The following ADAMTS2 variants were observed in gnomAD, a reference collection of about 807,000 sequenced individuals.
ADAMTS2 encodes the protein ADAM metallopeptidase with thrombospondin type 1 motif 2.
A neutral mutation model predicts 123.0 loss-of-function variants in ADAMTS2; 50 were observed. The ratio of observed to expected loss-of-function variants is 0.41; its 90% CI spans 0.32 to 0.51. ADAMTS2 has a LOEUF of 0.51. ADAMTS2 is among the 20% of genes least tolerant of loss of function. The pLI is 0.35. For missense variants in ADAMTS2, 1,494 were observed against 1,705.2 expected, an observed-to-expected ratio of 0.88 and a Z score of 2.18; for synonymous variants, 678 against 695.4, an observed-to-expected ratio of 0.98 and a Z score of 0.39.
chr5:179,242,892 C>T lies in ADAMTS2; in HGVS notation c.688+30019G>A, dbSNP rs11738217. Reference sequence around the variant, plus strand: ...GAAAGGCCGGAGCACCTTCCTCCACCCAGCCCTAACTCAGGGCAGGAGCTC... The same window carrying T: ...GAAAGGCCGGAGCACCTTCCTCCACTCAGCCCTAACTCAGGGCAGGAGCTC... On this transcript the variant is annotated intron_variant, in intron 3 of 21. Coordinates refer to ENST00000251582, the MANE Select transcript of ADAMTS2 (RefSeq NM_014244.5). This position sits in a 1 kb window ranked among gnomAD's most constrained non-coding sequence, Gnocchi z 4.2. Among the ~76,000 whole-genome samples the T allele has an allele frequency of 0.37, 56,789 of 152,042 alleles. 11,078 individuals carry two copies. The highest frequency in any genetic ancestry group is 0.46 in the African/African-American group (19,146 of 41,440).
intron 2 of ADAMTS2, among the ~76,000 whole-genome samples, chr5:179,279,626 G>A (rs1240132743): frequency 6.6e-6 from 1 of 152,210 alleles, no homozygotes; most frequent in Admixed American, 6.5e-5. Flanking sequence ...CAGCTCCCCA[G>A]GGAGGTCTCT....
chr5:179,184,751 T>A (rs1410954754), intron 4 of ADAMTS2, among the ~76,000 whole-genome samples: 1 of 152,048 alleles, frequency 6.6e-6, no homozygotes, highest in South Asian at 2.1e-4. Flanking sequence ...CCCACTGGGC[T>A]GAGGCTGGCA....
At chr5:179,211,969 G>A (rs991524543) in intron 3 of ADAMTS2, among the ~76,000 whole-genome samples, 12 of 152,328 alleles carry the variant, frequency 7.9e-5, no homozygotes, top group African/African-American at 2.9e-4. Context: ...TACATGACTC[G>A]GACAAGCCAC....
intron 4 of ADAMTS2, among the ~76,000 whole-genome samples, chr5:179,196,692 C>A (rs1257674623): frequency 6.6e-6 from 1 of 152,222 alleles, no homozygotes; most frequent in Non-Finnish European, 1.5e-5. Flanking sequence ...ACTTTGGAGG[C>A]CTGGGGCCAT....
chr5:179,137,473 C>T (rs1156867579), intron 12 of ADAMTS2, among the ~76,000 whole-genome samples: 1 of 141,120 alleles, frequency 7.1e-6, no homozygotes, highest in African/African-American at 2.5e-5. Flanking sequence ...CAAGCCTCGT[C>T]CACCCACGGT....
chr5:179,121,560 G>A, intron 21 of ADAMTS2, 101 bp downstream of exon 21: 3 of 981,174 alleles, frequency 3.1e-6, no homozygotes, highest in Non-Finnish European at 4.5e-6. Flanking sequence ...AGAGTCAGGG[G>A]AGCTTTCCAT....
At chr5:179,140,796 G>GTTTTTTTTTTTTT (rs1763149728) in intron 10 of ADAMTS2, among the ~76,000 whole-genome samples, 1 of 71,506 alleles carries the variant, frequency 1.4e-5, no homozygotes. Context: ...CCGACTGCAT[G>GTTTTTTTTTTTTT]CTCTTTTTTT....
chr5:179,142,942 C>A (rs189208932), intron 10 of ADAMTS2, among the ~76,000 whole-genome samples: 1 of 152,102 alleles, frequency 6.6e-6, no homozygotes, highest in Admixed American at 6.6e-5. Context: ...GTGACCCATA[C>A]GCAGGAAATG....
At position 179,158,058 on chromosome 5, in the gene ADAMTS2, G is replaced by A. The variant is rs1315034380; in HGVS notation, c.1132+665C>T. Among the ~76,000 whole-genome samples, 3 of 151,740 alleles carry A rather than the reference G, an allele frequency of 2.0e-5. No individual in the cohort carries two copies. Among genetic ancestry groups the A allele is most frequent in the South Asian group, 2.1e-4 (1 of 4,788 alleles). On this transcript the variant is annotated intron_variant, in intron 6 of 21. Coordinates refer to ENST00000251582, the MANE Select transcript of ADAMTS2 (RefSeq NM_014244.5). This position sits in a 1 kb window ranked among gnomAD's most constrained non-coding sequence, Gnocchi z 5.0. The stretch of plus-strand genomic sequence containing the variant: ...CGACTCATTGCAAACTCCGCCTCCC[G>A]GGTTCACACCATTCTCCTGCCTCAG...
rs1396552445 is a variant in ADAMTS2, at chr5:179,285,388, C to T, written c.535-12324G>A. 1.3e-5 allele frequency among the ~76,000 whole-genome samples: 2 copies of T among 152,228 alleles called. No homozygotes were observed. Among genetic ancestry groups the T allele is most frequent in the East Asian group, 1.9e-4 (1 of 5,198 alleles). The stretch of plus-strand genomic sequence containing the variant: ...GGGGCCAGCGCAGGGGCCAGCCAGG[C>T]GGCCTTCTGCTAAATCAAGCAACGC... On this transcript the variant is annotated intron_variant, in intron 2 of 21. Transcript: ENST00000251582. The surrounding 1 kb of genome is among the most constrained non-coding windows in gnomAD (Gnocchi z 4.9).
intron 3 of ADAMTS2, among the ~76,000 whole-genome samples, chr5:179,261,391 C>T (rs559098432): frequency 6.6e-6 from 1 of 152,352 alleles, no homozygotes; most frequent in African/African-American, 2.4e-5. Context: ...GCCAGTCTGG[C>T]TCTGCCCCGA....
intron 2 of ADAMTS2, among the ~76,000 whole-genome samples, chr5:179,338,747 G>A (rs146526082): frequency 1.3e-5 from 2 of 152,298 alleles, no homozygotes; most frequent in African/African-American, 4.8e-5. Context: ...ATGAGTTGCT[G>A]CATGGTTTCT....
chr5:179,288,767 G>C (rs963020868), intron 2 of ADAMTS2, among the ~76,000 whole-genome samples: 1 of 152,212 alleles, frequency 6.6e-6, no homozygotes, highest in Non-Finnish European at 1.5e-5. Context: ...TACAGATTCG[G>C]GGAGACTGAA....
chr5:179,327,809 TAA>T (rs1757354281), intron 2 of ADAMTS2, among the ~76,000 whole-genome samples: 1 of 151,900 alleles, frequency 6.6e-6, no homozygotes, highest in Non-Finnish European at 1.5e-5. Context: ...ACAAAATTAC[TAA>T]AGACATAAAA....
chr5:179,254,646 T>C (rs1258027460), intron 3 of ADAMTS2, among the ~76,000 whole-genome samples: 1 of 152,156 alleles, frequency 6.6e-6, no homozygotes, highest in Non-Finnish European at 1.5e-5. Flanking sequence ...TTCTCTAAGC[T>C]ACCAGGTCAC....
chr5:179,300,599 C>T (rs1314167710), intron 2 of ADAMTS2, among the ~76,000 whole-genome samples: 1 of 152,144 alleles, frequency 6.6e-6, no homozygotes, highest in African/African-American at 2.4e-5. Context: ...GAGGACAAGC[C>T]AGACCCCCCT....
At chr5:179,153,958 G>T (rs1402368582) in intron 8 of ADAMTS2, 91 bp downstream of exon 8, 3 of 1,505,490 alleles carry the variant, frequency 2.0e-6, no homozygotes, top group South Asian at 1.2e-5. Context: ...AGGTCGGAGG[G>T]CTCTGGCTCT....
rs1762820341 is a variant in ADAMTS2, at chr5:179,124,682, G to GA, written c.2958+290dup. Among the ~76,000 whole-genome samples, 5 of 152,364 alleles carry GA rather than the reference G, an allele frequency of 3.3e-5. No individual in the cohort carries two copies. The South Asian group carries it at 1.0e-3, about 32-fold the overall frequency. ...GGAGCTACATCCAGGCCCACGGGCC[G>GA]AAAGGGGAATGCTCTGGTCACCTCA... On this transcript the variant is annotated intron_variant, in intron 19 of 21. Coordinates refer to ENST00000251582, the MANE Select transcript of ADAMTS2 (RefSeq NM_014244.5).
At chr5:179,290,541 T>C (rs879848423) in intron 2 of ADAMTS2, among the ~76,000 whole-genome samples, 1 of 152,238 alleles carries the variant, frequency 6.6e-6, no homozygotes, top group Non-Finnish European at 1.5e-5. Context: ...TTTCAGTCCT[T>C]GTTCTACGTT....
Sources: gnomAD v4.1 joint callset for allele counts (sites outside exome capture counted in the v4.1 genomes callset) on GRCh38, gnomAD v4.1.1 for gene constraint, Gnocchi (gnomAD v3.1) non-coding constraint, MANE v1.5 for transcripts, NCBI Gene and HGNC (gene_info 2026-07-23, HGNC 2026-07-21) for gene names.